Variants in FZR1 observed in about 807,000 individuals in gnomAD.
FZR1 encodes fizzy and cell division cycle 20 related 1, also known as fizzy-related protein homolog.
In FZR1, 11 loss-of-function variants were observed where a neutral mutation model predicts 63.6. That is an observed-to-expected ratio of 0.17 (90% CI 0.11 to 0.29). The LOEUF (loss-of-function observed/expected upper bound fraction) is 0.29. Among genes scored for constraint, FZR1 ranks in the 10% least tolerant of loss-of-function variants. The pLI is 1.00. For missense variants in FZR1, 440 were observed against 687.5 expected, an observed-to-expected ratio of 0.64 and a Z score of 4.03; for synonymous variants, 328 against 297.9, an observed-to-expected ratio of 1.10 and a Z score of -1.04.
At chr19:3,519,270 C>T (rs114943610) in intron 1 of FZR1, among the ~76,000 whole-genome samples, 2,550 of 152,360 alleles carry the variant, frequency 0.017, 64 homozygotes, top group African/African-American at 0.058. Context: ...AGGCACAGGT[C>T]CTGGGGTCAG....
At position 3,534,500 on chromosome 19, in the gene FZR1, C is replaced by T; in HGVS notation, c.1427C>T (p.Thr476Ile). ...TLRFWNVFSK[T>I]RSTKESVSVL... ...AGGTTCTGGAACGTCTTTAGCAAAA[C>T]CCGTTCGACAAAGGTAAAGTGGGTC... Residue 476 changes from threonine to isoleucine, a missense_variant, in exon 13 of 14, where the codon ACC becomes ATC. By Grantham distance (89) the Thr-to-Ile change is moderately conservative (BLOSUM62 -1). Transcript: ENST00000441788. The T allele has an allele frequency of 3.1e-6, 5 of 1,606,412 alleles. No homozygotes were observed. The highest frequency in any genetic ancestry group is 3.4e-6 in the Non-Finnish European group (4 of 1,175,552).
At chr19:3,518,572 C>T (rs866835876) in intron 1 of FZR1, among the ~76,000 whole-genome samples, 36 of 152,188 alleles carry the variant, frequency 2.4e-4, no homozygotes, top group African/African-American at 7.2e-4. Flanking sequence ...GCCCGCGCTC[C>T]TGTGCCCATG....
chr19:3,518,376 A>C (rs2083074512), intron 1 of FZR1, among the ~76,000 whole-genome samples: 1 of 152,116 alleles, frequency 6.6e-6, no homozygotes, highest in Non-Finnish European at 1.5e-5. Flanking sequence ...TAAGTTCTTT[A>C]ACGAGTAAGA....
At chr19:3,528,009 C>T (rs545582447) in intron 7 of FZR1, among the ~76,000 whole-genome samples, 195 bp downstream of exon 7, 17 of 152,062 alleles carry the variant, frequency 1.1e-4, no homozygotes, top group African/African-American at 4.1e-4. Context: ...CATGGCCCTC[C>T]CAGTCAGGGC....
At position 3,535,160 on chromosome 19, in the gene FZR1, C is replaced by T. The variant is rs1460517426; in HGVS notation, c.*324C>T. On this transcript the variant is annotated 3_prime_UTR_variant, in exon 14 of 14. Transcript: ENST00000441788. ...CGGATGCCCCCTGGGACCCTCACTGCCTCCGTCTGTTCATCACCTGCCCAC... is the reference window on the plus strand; with the variant it reads ...CGGATGCCCCCTGGGACCCTCACTGTCTCCGTCTGTTCATCACCTGCCCAC... The T allele has an allele frequency of 2.4e-6, 1 of 414,598 alleles. No individual in the cohort carries two copies. The highest frequency in any genetic ancestry group is 2.0e-5 in the African/African-American group (1 of 49,520). The allele number at this position is 414,598 out of a possible 1,614,324, so 25.7% of individuals were successfully genotyped here.
chr19:3,509,830 G>A (rs145818533), intron 1 of FZR1, among the ~76,000 whole-genome samples: 3 of 152,180 alleles, frequency 2.0e-5, no homozygotes, highest in Non-Finnish European at 2.9e-5. Flanking sequence ...TGGAGGCACC[G>A]GGTTTTGTGC....
chr19:3,508,761 G>A (rs2083004366), intron 1 of FZR1, among the ~76,000 whole-genome samples: 1 of 152,222 alleles, frequency 6.6e-6, no homozygotes, highest in Non-Finnish European at 1.5e-5. Context: ...GCTCTCCACT[G>A]CCCAATTCTG....
intron 1 of FZR1, among the ~76,000 whole-genome samples, chr19:3,507,686 C>T (rs2082994881): frequency 6.6e-6 from 1 of 152,206 alleles, no homozygotes; most frequent in Non-Finnish European, 1.5e-5. Context: ...CCTGCGGGGA[C>T]TTTGAAGTGA....
intron 1 of FZR1, among the ~76,000 whole-genome samples, chr19:3,512,997 C>A (rs1017434807): frequency 2.0e-5 from 3 of 152,116 alleles, no homozygotes; most frequent in Admixed American, 6.5e-5. Context: ...CCTAGCCCCG[C>A]AGAGGATGGC....
At chr19:3,522,537 A>G (rs1334489368) in intron 1 of FZR1, among the ~76,000 whole-genome samples, 1 of 152,178 alleles carries the variant, frequency 6.6e-6, no homozygotes, top group East Asian at 1.9e-4. Context: ...GCTCTTGCAC[A>G]CTGCCTTAGA....
chr19:3,533,384 C>T lies in FZR1; in HGVS notation c.1333C>T (p.Arg445Cys). ...QVAKLTGHSY[R>C]VLYLAMSPDG... ...GGCCAAGCTGACCGGGCACTCCTAC[C>T]GCGTGCTGTACCTGGTGAGTTCACG... Residue 445 changes from arginine to cysteine, a missense_variant, in exon 12 of 14, where the codon CGC becomes TGC. This residue lies in a region of FZR1 where 208 missense variants were observed against 363.6 expected (regional missense o/e 0.57). Transcript: ENST00000441788. The surrounding 1 kb of genome is among the most constrained non-coding windows in gnomAD (Gnocchi z 4.9). 1 of 1,608,100 alleles carries T rather than the reference C, an allele frequency of 6.2e-7. No individual in the cohort carries two copies. The highest frequency in any genetic ancestry group is 8.5e-7 in the Non-Finnish European group (1 of 1,175,388).
At position 3,516,029 on chromosome 19, in the gene FZR1, A is replaced by G. The variant is rs761267883; in HGVS notation, c.-34-6927A>G. Among the ~76,000 whole-genome samples the G allele has an allele frequency of 6.6e-5, 10 of 152,164 alleles. No homozygotes were observed. The highest frequency in any genetic ancestry group is 1.0e-4 in the Non-Finnish European group (7 of 68,028). On this transcript the variant is annotated intron_variant, in intron 1 of 13. Transcript: ENST00000441788. The surrounding 1 kb of genome is among the most constrained non-coding windows in gnomAD (Gnocchi z 6.0). ...CCGCAGTGACTCCATCTCTGCACAC[A>G]TGCATGCTGAGTTTCTAAGGATAAA...
Position 3,532,590 on chromosome 19 carries a change from G to T in FZR1, c.1182G>T (p.Gln394His). The T allele has an allele frequency of 1.2e-6, 2 of 1,612,800 alleles. No homozygotes were observed. Among genetic ancestry groups the T allele is most frequent in the Non-Finnish European group, 1.7e-6 (2 of 1,179,858 alleles). ...FWNTLTGQPL[Q>H]CIDTGSQVCN... is the part of the protein sequence containing the mutation. ...ACACGCTGACAGGACAACCACTGCA[G>T]TGTATCGACACGGGCTCCCAAGTGT... is the stretch of plus-strand genomic sequence containing the variant. The change falls in exon 11 of 14, where the codon CAG becomes CAT. Residue 394 changes from glutamine to histidine, a missense_variant. Around this residue, in one of 5 missense-constraint regions of FZR1, gnomAD observed 208 missense variants for 363.6 expected, o/e 0.57. Coordinates refer to ENST00000441788, the MANE Select transcript of FZR1 (RefSeq NM_016263.4).
chr19:3,531,600 GGAA>G (rs2083248019), intron 8 of FZR1, 111 bp from the exon 9 acceptor site: 2 of 704,240 alleles, frequency 2.8e-6, no homozygotes, highest in African/African-American at 3.6e-5. Context: ...GAGTCGTTAG[GGAA>G]ACCGTCCCAG....
chr19:3,521,007 CAG>C (rs1270096018), intron 1 of FZR1, among the ~76,000 whole-genome samples: 1 of 152,240 alleles, frequency 6.6e-6, no homozygotes, highest in African/African-American at 2.4e-5. Flanking sequence ...GCAACGTCCT[CAG>C]GGCGTGTCCG....
At chr19:3,517,852 A>T (rs1029142729) in intron 1 of FZR1, among the ~76,000 whole-genome samples, 1 of 149,808 alleles carries the variant, frequency 6.7e-6, no homozygotes, top group African/African-American at 2.5e-5. Flanking sequence ...AACTAAACAA[A>T]GTTCTTTTTT....
In FZR1 at chr19:3,534,972, G is replaced by C. The variant is rs2083282484; in HGVS notation, c.*136G>C. The C allele has an allele frequency of 8.6e-6, 6 of 700,236 alleles. No homozygotes were observed. The highest frequency in any genetic ancestry group is 1.5e-5 in the Non-Finnish European group (6 of 393,960). 43.4% of individuals were successfully genotyped at this position (700,236 alleles called of 1,614,324 possible). A position where few individuals can be genotyped will look rare whatever the true frequency, so the allele number is the denominator to read the frequency against. On this transcript the variant is annotated 3_prime_UTR_variant, in exon 14 of 14. Coordinates refer to ENST00000441788, the MANE Select transcript of FZR1 (RefSeq NM_016263.4). ...GGGCGGGCGGGGAGCTGGGCCTGGAGGATCCTGGAGTCTCATTAAATGCCT... is the reference window on the plus strand; with the variant it reads ...GGGCGGGCGGGGAGCTGGGCCTGGACGATCCTGGAGTCTCATTAAATGCCT...
rs1262935645 is a variant in FZR1 at position 3,534,225 on chromosome 19, AT to A, written c.1348-194del. The A allele has an allele frequency of 1.1e-4, 50 of 461,052 alleles. No individual in the cohort carries two copies. The East Asian group carries it at 1.7e-3, about 15-fold the overall frequency. 28.6% of individuals were successfully genotyped at this position (461,052 alleles called of 1,614,324 possible). A position where few individuals can be genotyped will look rare whatever the true frequency, so the allele number is the denominator to read the frequency against. ...TGACAGAGCCAGACCCCGTCTTAAA[AT>A]TAAAAAAAAAAAAAAAAAAAAGGCT... On this transcript the variant is annotated intron_variant, in intron 12 of 13. Coordinates refer to ENST00000441788, the MANE Select transcript of FZR1 (RefSeq NM_016263.4).
rs1279490555 is a variant in FZR1, at chr19:3,532,658, C to T, written c.1242+8C>T. 8.1e-6 allele frequency: 13 copies of T among 1,597,038 alleles called. No homozygotes were observed. The highest frequency in any genetic ancestry group is 2.2e-5 in the East Asian group (1 of 44,712). On this transcript the variant is annotated splice_region_variant and intron_variant, in intron 11 of 13. Transcript: ENST00000441788. ...AAGCACGCCAACGAGCTGGTGAGCA[C>T]GGGCGGCCCGGCCTCCCACCAGGCC...
Sources: allele counts gnomAD v4.1 joint callset (sites outside exome capture counted in the v4.1 genomes callset), GRCh38; gene constraint gnomAD v4.1.1; regional missense constraint gnomAD v4.1.1; non-coding constraint Gnocchi (gnomAD v3.1); transcripts MANE v1.5; gene names NCBI Gene and HGNC (gene_info 2026-07-23, HGNC 2026-07-21).